ZNF202: variants seen among roughly 807,000 people sequenced by gnomAD.
ZNF202 encodes zinc finger protein with KRAB and SCAN domains 10.
In ZNF202, 22 loss-of-function variants were observed where a neutral mutation model predicts 54.5. The ratio of observed to expected loss-of-function variants is 0.40; its 90% confidence interval spans 0.29 to 0.58. The LOEUF is 0.58. Ranked by LOEUF, ZNF202 falls within the 20% of genes least tolerant of loss-of-function variation. ZNF202 has a pLI of 0.39. For synonymous variants in ZNF202, 294 were observed against 301.4 expected (o/e 0.98, Z 0.26); for missense variants, 644 against 805.5 (o/e 0.80, Z 2.43).
chr11:123,728,987 C>T, intron 6 of ZNF202, 139 bp downstream of exon 6: 2 of 748,870 alleles, frequency 2.7e-6, no homozygotes, highest in Admixed American at 5.0e-5. Flanking sequence ...TATCTCCTCC[C>T]CTTCCAGGTA....
intron 3 of ZNF202, among the ~76,000 whole-genome samples, chr11:123,739,091 T>C (rs191592994): frequency 1.6e-3 from 247 of 152,316 alleles, no homozygotes; most frequent in African/African-American, 5.7e-3. Context: ...TAAACGCACA[T>C]TGAGTTTAAG....
At chr11:123,739,482 C>T (rs944213859) in intron 3 of ZNF202, 3 of 151,900 alleles carry the variant, frequency 2.0e-5, no homozygotes, top group East Asian at 1.9e-4. Flanking sequence ...TTTAGCAATA[C>T]TAGGAATTCA....
At position 123,725,641 on chromosome 11, in the gene ZNF202, T is replaced by C. The variant is rs1441093377; in HGVS notation, c.*356A>G. ...CTTGGCCACTTTCAACTTGAAGCTG[T>C]TGAGCAGTCTTTAGGATATGTAACA... is the stretch of plus-strand genomic sequence containing the variant. On this transcript the variant is annotated 3_prime_UTR_variant, in exon 9 of 9. Coordinates refer to ENST00000530393, the MANE Select transcript of ZNF202 (RefSeq NM_003455.4). The C allele has an allele frequency of 5.3e-6, 1 of 189,194 alleles. No homozygotes were observed. Among genetic ancestry groups the C allele is most frequent in the African/African-American group, 2.3e-5 (1 of 42,796 alleles). 11.7% of individuals were successfully genotyped at this position (189,194 alleles called of 1,614,324 possible).
In ZNF202 at chr11:123,730,944, CCG is replaced by C. The variant is rs769981308; in HGVS notation, c.-58_-57del. ...TAGAGCTCACACTGTCATTAGCCCC[CCG>C]CCTCAGCCTGGACACAGCGAGGATT... On this transcript the variant is annotated 5_prime_UTR_variant, in exon 4 of 9. Transcript: ENST00000530393. This position sits in a 1 kb window ranked among gnomAD's most constrained non-coding sequence, Gnocchi z 6.0. The C allele has an allele frequency of 6.1e-5, 94 of 1,553,270 alleles. No individual in the cohort carries two copies. The highest frequency in any genetic ancestry group is 8.1e-5 in the Non-Finnish European group (93 of 1,150,228).
At position 123,726,917 on chromosome 11, in the gene ZNF202, A is replaced by C; in HGVS notation, c.1027T>G (p.Leu343Val). 1 of 1,614,086 alleles carries C rather than the reference A, an allele frequency of 6.2e-7. No homozygotes were observed. The highest frequency in any genetic ancestry group is 8.5e-7 in the Non-Finnish European group (1 of 1,180,026). Residue 343 changes from leucine (L) to valine (V), a missense_variant, in exon 9 of 9, where the codon TTG becomes GTG. Leu to Val is a conservative substitution (Grantham distance 32). Transcript: ENST00000530393. This position sits in a 1 kb window ranked among gnomAD's most constrained non-coding sequence, Gnocchi z 6.0. ...LSLEDIHRPVLGEPEIHQTPD... is the reference protein window; with the variant it reads ...LSLEDIHRPVVGEPEIHQTPD... ...GTCTGGTGAATTTCTGGTTCTCCCA[A>C]AACAGGCCTGTGTATATCCTCCAAA...
At chr11:123,741,207 G>C (rs1419693958) in intron 1 of ZNF202, among the ~76,000 whole-genome samples, 3 of 152,176 alleles carry the variant, frequency 2.0e-5, no homozygotes, top group Non-Finnish European at 4.4e-5. Flanking sequence ...CGGGGGGACA[G>C]TTGGCGCGGA....
chr11:123,729,021 C>T, intron 6 of ZNF202, 105 bp downstream of exon 6: 1 of 1,139,418 alleles, frequency 8.8e-7, no homozygotes. Context: ...GAGCTTAAAA[C>T]TGGCAAGAGT....
intron 3 of ZNF202, among the ~76,000 whole-genome samples, chr11:123,732,081 G>A (rs888714978): frequency 6.6e-6 from 1 of 152,066 alleles, no homozygotes; most frequent in African/African-American, 2.4e-5. Flanking sequence ...TCCTTTCCAC[G>A]CTACATGGTG....
Position 123,726,592 on chromosome 11 carries a change from G to A in ZNF202, c.1352C>T (p.Ala451Val), listed in dbSNP as rs200393801. 375 of 1,614,062 alleles carry A rather than the reference G, an allele frequency of 2.3e-4. 1 individual carries two copies. The highest frequency in any genetic ancestry group is 3.0e-4 in the Non-Finnish European group (351 of 1,180,040). Residue 451 changes from alanine to valine, a missense_variant, in exon 9 of 9, where the codon GCG becomes GTG. Coordinates refer to ENST00000530393, the MANE Select transcript of ZNF202 (RefSeq NM_003455.4). This position sits in a 1 kb window ranked among gnomAD's most constrained non-coding sequence, Gnocchi z 6.0. ...CCGGTTTAGGGGATATTTGTAAGGC[G>A]CGTTCATCTTGTGAACCTTTTGGTG... ...ARHQKVHKMNAPYKYPLNRKN... is the reference protein window; with the variant it reads ...ARHQKVHKMNVPYKYPLNRKN...
Position 123,730,770 on chromosome 11 carries a change from G to A in ZNF202, c.119C>T (p.Pro40Leu), listed in dbSNP as rs1410280228. The A allele has an allele frequency of 8.1e-6, 13 of 1,614,164 alleles. No homozygotes were observed. Among genetic ancestry groups the A allele is most frequent in the East Asian group, 4.5e-5 (2 of 44,862 alleles). The change falls in exon 4 of 9, where the codon CCG (proline) becomes CTG (leucine). Residue 40 changes from proline (P) to leucine (L), a missense_variant. Physicochemically the swap from Pro to Leu is moderately conservative, Grantham distance 98. This residue lies in a region of ZNF202 where 62 missense variants were observed against 122.8 expected (regional missense o/e 0.50). Coordinates refer to ENST00000530393, the MANE Select transcript of ZNF202 (RefSeq NM_003455.4). The surrounding 1 kb of genome is among the most constrained non-coding windows in gnomAD (Gnocchi z 6.0). The part of the protein sequence containing the change: ...RPESVLQRDD[P>L]VLETSHQNFR... ...GTTCTGGTGGGAGGTTTCCAGCACC[G>A]GGTCATCCCTCTGTAAGACAGACTC...
In ZNF202 at chr11:123,725,875, G is replaced by T; in HGVS notation, c.*122C>A. On this transcript the variant is annotated 3_prime_UTR_variant, in exon 9 of 9. Transcript: ENST00000530393. ...TTAGTTGCAGGAAGAGGTAATGTCA[G>T]ATCTGAGCAGGTCAGGGAGACTCCC... 8.4e-7 allele frequency: 1 copy of T among 1,184,376 alleles called. No individual in the cohort carries two copies. The highest frequency in any genetic ancestry group is 1.2e-6 in the Non-Finnish European group (1 of 865,476). The allele number at this position is 1,184,376 out of a possible 1,614,324, so 73.4% of individuals were successfully genotyped here.
Position 123,726,712 on chromosome 11 carries a change from T to C in ZNF202, c.1232A>G (p.His411Arg). 6.2e-7 allele frequency: 1 copy of C among 1,614,182 alleles called. No individual in the cohort carries two copies. Among genetic ancestry groups the C allele is most frequent in the East Asian group, 2.2e-5 (1 of 44,886 alleles). Reference protein sequence around the residue: ...VCGKSFTCNSHLVRHLRTHTG... With the variant: ...VCGKSFTCNSRLVRHLRTHTG... ...GTGAGTCCTCAGGTGTCTAACAAGG[T>C]GGGAGTTACAAGTGAAGCTCTTTCC... Residue 411 changes from histidine (H) to arginine (R), a missense_variant, in exon 9 of 9, where the codon CAC becomes CGC. By Grantham distance (29) the His-to-Arg change is conservative. Transcript: ENST00000530393. This position sits in a 1 kb window ranked among gnomAD's most constrained non-coding sequence, Gnocchi z 6.0.
chr11:123,741,045 G>A (rs1049872091), intron 1 of ZNF202, among the ~76,000 whole-genome samples: 1 of 151,982 alleles, frequency 6.6e-6, no homozygotes, highest in South Asian at 2.1e-4. Flanking sequence ...GTATCTGGGT[G>A]TGTGCTGGGG....
At chr11:123,733,532 C>G (rs1171278581) in intron 3 of ZNF202, among the ~76,000 whole-genome samples, 1 of 152,098 alleles carries the variant, frequency 6.6e-6, no homozygotes, top group Non-Finnish European at 1.5e-5. Context: ...TCATTTGTTT[C>G]TTCCTAAGTG....
chr11:123,732,739 G>A (rs928543128), intron 3 of ZNF202, among the ~76,000 whole-genome samples: 1 of 152,056 alleles, frequency 6.6e-6, no homozygotes, highest in Non-Finnish European at 1.5e-5. Context: ...ATAATAAAGT[G>A]CACAATAAAT....
chr11:123,740,666 G>A (rs1423198878), intron 1 of ZNF202, 130 bp from the exon 2 acceptor site: 5 of 152,286 alleles, frequency 3.3e-5, no homozygotes, highest in African/African-American at 1.2e-4. Context: ...TCCCTCTGGG[G>A]AGGTCAGTAC....
chr11:123,736,422 C>T (rs1027751678), intron 3 of ZNF202, among the ~76,000 whole-genome samples: 3 of 152,102 alleles, frequency 2.0e-5, no homozygotes, highest in Non-Finnish European at 4.4e-5. Flanking sequence ...TATTTTATAC[C>T]TTAATGCAGG....
At chr11:123,727,934 A>G (rs1166155083) in intron 7 of ZNF202, among the ~76,000 whole-genome samples, 199 bp downstream of exon 7, 1 of 152,182 alleles carries the variant, frequency 6.6e-6, no homozygotes, top group Non-Finnish European at 1.5e-5. Flanking sequence ...TTGTTTTCCT[A>G]TTAGAGGTTT....
At chr11:123,734,860 G>A (rs927346957) in intron 3 of ZNF202, among the ~76,000 whole-genome samples, 3 of 152,178 alleles carry the variant, frequency 2.0e-5, no homozygotes, top group Middle Eastern at 3.4e-3. Flanking sequence ...CTGGATAAAG[G>A]CATACATAGG....
Sources: gnomAD v4.1 joint callset for allele counts (sites outside exome capture counted in the v4.1 genomes callset) on GRCh38, gnomAD v4.1.1 for gene constraint, gnomAD v4.1.1 regional missense constraint, Gnocchi (gnomAD v3.1) non-coding constraint, MANE v1.5 for transcripts, NCBI Gene and HGNC (gene_info 2026-07-23, HGNC 2026-07-21) for gene names.